PDE10A: variants seen among roughly 807,000 people sequenced by gnomAD.
The protein encoded by PDE10A is phosphodiesterase 10A.
A neutral mutation model predicts 97.7 loss-of-function variants in PDE10A; 39 were observed. The ratio of observed to expected loss-of-function variants is 0.40; its 90% CI spans 0.31 to 0.52. PDE10A has a LOEUF of 0.52. Among genes scored for constraint, PDE10A ranks in the 20% least tolerant of loss-of-function variants. The pLI, the probability that PDE10A is intolerant of heterozygous loss-of-function variation, is 0.56. For missense variants in PDE10A, 731 were observed against 1,047.8 expected (o/e 0.70, Z 4.17); for synonymous variants, 371 against 376.8 (o/e 0.98, Z 0.18).
At chr6:165,857,665 G>A (rs529090150) in intron 1 of PDE10A, among the ~76,000 whole-genome samples, 1 of 151,488 alleles carries the variant, frequency 6.6e-6, no homozygotes, top group Non-Finnish European at 1.5e-5. Context: ...TTGGAGCCCT[G>A]TTCTTGCCTT....
At chr6:165,501,213 A>G (rs1780859063) in intron 2 of PDE10A, among the ~76,000 whole-genome samples, 1 of 152,112 alleles carries the variant, frequency 6.6e-6, no homozygotes, top group Non-Finnish European at 1.5e-5. Context: ...GACAAGAAAC[A>G]CCCACAGGTG....
At chr6:165,917,035 A>T (rs1782625473) in intron 1 of PDE10A, among the ~76,000 whole-genome samples, 1 of 152,058 alleles carries the variant, frequency 6.6e-6, no homozygotes, top group South Asian at 2.1e-4. Flanking sequence ...TAGTTCCAGG[A>T]TTGGTTATCT....
chr6:165,841,159 T>C lies in PDE10A; in HGVS notation c.-615+146370A>G, dbSNP rs552465931. Among the ~76,000 whole-genome samples, 26 of 152,374 alleles carry C rather than the reference T, an allele frequency of 1.7e-4. No homozygotes were observed. The East Asian group carries it at 4.6e-3, about 27-fold the overall frequency. ...TTACTTTTGACTTTCAATCTACTTT[T>C]GGAGTGTCATCATTGCAAAACCCAG... On this transcript the variant is annotated intron_variant, in intron 1 of 19. Transcript: ENST00000366882.
intron 1 of PDE10A, among the ~76,000 whole-genome samples, chr6:165,696,631 TA>T (rs1315328203): frequency 6.6e-6 from 1 of 152,072 alleles, no homozygotes; most frequent in Non-Finnish European, 1.5e-5. Context: ...ATGAGATATG[TA>T]AGGAAACAGG....
intron 1 of PDE10A, among the ~76,000 whole-genome samples, chr6:165,587,382 G>T (rs1224774007): frequency 6.6e-6 from 1 of 152,188 alleles, no homozygotes; most frequent in African/African-American, 2.4e-5. Flanking sequence ...CGTGTCTCAT[G>T]CACAGCAGCA....
chr6:165,681,394 A>ATGTGTGTGTGTGTGTGTG (rs145137771), intron 1 of PDE10A, among the ~76,000 whole-genome samples: 12 of 150,484 alleles, frequency 8.0e-5, no homozygotes, highest in African/African-American at 2.5e-4. Flanking sequence ...TCTTGGGAAA[A>ATGTGTGTGTGTGTGTGTG]TGTGTGTGTG....
At chr6:165,652,113 G>A (rs549469010) in intron 1 of PDE10A, among the ~76,000 whole-genome samples, 9 of 152,228 alleles carry the variant, frequency 5.9e-5, no homozygotes, top group African/African-American at 2.2e-4. Context: ...GCAGAGTATA[G>A]TCCTAAAAAG....
intron 1 of PDE10A, among the ~76,000 whole-genome samples, chr6:165,715,729 G>A (rs1055019992): frequency 6.6e-6 from 1 of 152,208 alleles, no homozygotes; most frequent in Non-Finnish European, 1.5e-5. Context: ...CATGTTACCT[G>A]CTGCATAGAA....
At chr6:165,770,475 T>C (rs991019547) in intron 1 of PDE10A, among the ~76,000 whole-genome samples, 1 of 152,216 alleles carries the variant, frequency 6.6e-6, no homozygotes, top group African/African-American at 2.4e-5. Flanking sequence ...GTTCCCTATA[T>C]ACAGTCTTTT....
chr6:165,530,970 T>C (rs1291294599), intron 2 of PDE10A, among the ~76,000 whole-genome samples: 1 of 152,212 alleles, frequency 6.6e-6, no homozygotes, highest in Non-Finnish European at 1.5e-5. Context: ...TCTTTATACA[T>C]GTCCCAAAAG....
At chr6:165,512,035 T>C (rs1454211779) in intron 2 of PDE10A, among the ~76,000 whole-genome samples, 1 of 152,054 alleles carries the variant, frequency 6.6e-6, no homozygotes, top group African/African-American at 2.4e-5. Flanking sequence ...AAAGTTATTA[T>C]TGCATGGGAA....
At chr6:165,524,762 T>C (rs141995896) in intron 2 of PDE10A, among the ~76,000 whole-genome samples, 3,722 of 152,268 alleles carry the variant, frequency 0.024, 150 homozygotes, top group African/African-American at 0.085. Flanking sequence ...GAAAGATGCA[T>C]GCACAGCCTC....
chr6:165,455,042 G>A (rs1777868506), intron 3 of PDE10A, among the ~76,000 whole-genome samples: 1 of 152,096 alleles, frequency 6.6e-6, no homozygotes, highest in Non-Finnish European at 1.5e-5. Flanking sequence ...TCCCAAAGAG[G>A]TCGGCAGCCA....
In PDE10A at chr6:165,428,706, T is replaced by C. The variant is rs1789339720; in HGVS notation, c.1605A>G (p.Thr535=). Residue 535 remains threonine (T), a synonymous_variant, in exon 10 of 22, where the codon ACA becomes ACG. Transcript: ENST00000539869. ...CTATTGCAACTATGTTATCAAAATA[T>C]GTTCTGAAAAAAAGAAACATAAATC... ...LNDFLLDVSK[T]YFDNIVAIDS... The C allele has an allele frequency of 8.0e-7, 1 of 1,243,438 alleles. No homozygotes were observed. Among genetic ancestry groups the C allele is most frequent in the Non-Finnish European group, 1.2e-6 (1 of 859,314 alleles). 77.0% of individuals were successfully genotyped at this position (1,243,438 alleles called of 1,614,324 possible).
chr6:165,651,113 A>C (rs777564873), intron 1 of PDE10A, among the ~76,000 whole-genome samples: 1 of 152,216 alleles, frequency 6.6e-6, no homozygotes, highest in Non-Finnish European at 1.5e-5. Flanking sequence ...TCCCACCAGG[A>C]AAGTACAGAA....
At position 165,625,771 on chromosome 6, in the gene PDE10A, C is replaced by T. The variant is rs181679633; in HGVS notation, c.865+36176G>A. On this transcript the variant is annotated intron_variant, in intron 1 of 21. Coordinates refer to ENST00000539869, the MANE Select transcript of PDE10A (RefSeq NM_001385079.1). ...CCTTCTGCCATGATTGTGAGGCCTCCGCAGCCACATGGAACTGTGAGTCCA... is the reference window on the plus strand; with the variant it reads ...CCTTCTGCCATGATTGTGAGGCCTCTGCAGCCACATGGAACTGTGAGTCCA... Among the ~76,000 whole-genome samples the T allele has an allele frequency of 2.0e-3, 306 of 152,280 alleles. 2 individuals carry two copies. Among genetic ancestry groups the T allele is most frequent in the African/African-American group, 6.9e-3 (286 of 41,554 alleles).
chr6:165,677,577 G>A (rs1013055877), intron 1 of PDE10A, among the ~76,000 whole-genome samples: 3 of 152,156 alleles, frequency 2.0e-5, no homozygotes, highest in Non-Finnish European at 4.4e-5. Flanking sequence ...ATCGTATTAG[G>A]TATTATAAGT....
intron 1 of PDE10A, among the ~76,000 whole-genome samples, chr6:165,746,919 A>G (rs1792856588): frequency 6.6e-6 from 1 of 152,256 alleles, no homozygotes; most frequent in Admixed American, 6.5e-5. Context: ...GGATATTAAT[A>G]TATCACTGGT....
intron 1 of PDE10A, among the ~76,000 whole-genome samples, chr6:165,858,075 T>C (rs78114172): frequency 6.6e-6 from 1 of 152,364 alleles, no homozygotes; most frequent in African/African-American, 2.4e-5. Flanking sequence ...AGTATTTCTT[T>C]AACTTCCATG....
Sources: allele counts gnomAD v4.1 joint callset (sites outside exome capture counted in the v4.1 genomes callset), GRCh38; gene constraint gnomAD v4.1.1; transcripts MANE v1.5; gene names NCBI Gene and HGNC (gene_info 2026-07-23, HGNC 2026-07-21).